Variants in IPP observed in about 807,000 individuals in gnomAD.
The protein encoded by IPP is intracisternal A particle-promoted polypeptide.
IPP carries 41 observed loss-of-function variants against 64.1 expected under a neutral mutation model. The observed-to-expected ratio is 0.64, with a 90% CI of 0.50 to 0.83. The LOEUF (loss-of-function observed/expected upper bound fraction) is 0.83. Among genes scored for constraint, IPP ranks in the 40% least tolerant of loss-of-function variants. The pLI, the probability that IPP is intolerant of heterozygous loss-of-function variation, is 0.00. For synonymous variants in IPP, 214 were observed against 235.2 expected, an observed-to-expected ratio of 0.91 and a Z score of 0.83; for missense variants, 649 against 703.0, an observed-to-expected ratio of 0.92 and a Z score of 0.87.
intron 5 of IPP, among the ~76,000 whole-genome samples, chr1:45,726,632 T>A (rs940168122): frequency 6.6e-6 from 1 of 152,118 alleles, no homozygotes; most frequent in Non-Finnish European, 1.5e-5. Flanking sequence ...GTATCCAGTA[T>A]CCATACTGCT....
intron 3 of IPP, among the ~76,000 whole-genome samples, chr1:45,737,056 A>AAG (rs1645992048): frequency 6.6e-6 from 1 of 151,254 alleles, no homozygotes; most frequent in Non-Finnish European, 1.5e-5. Flanking sequence ...AAAAAAAAAA[A>AAG]AAAAGAAAAA....
At chr1:45,697,870 A>G (rs1557734556), downstream of IPP, 1 of 152,012 alleles carries the variant, frequency 6.6e-6, no homozygotes, top group South Asian at 2.1e-4. Flanking sequence ...AGGCGGGAGA[A>G]TCGTTTGAAC....
At chr1:45,745,822 C>G (rs1646126286) in intron 2 of IPP, among the ~76,000 whole-genome samples, 1 of 151,882 alleles carries the variant, frequency 6.6e-6, no homozygotes, top group Admixed American at 6.6e-5. Flanking sequence ...CCAAGATCGC[C>G]CCACTGCACT....
At chr1:45,714,196 G>A (rs1005846475) in intron 8 of IPP, 50 bp downstream of exon 8, 1 of 1,285,892 alleles carries the variant, frequency 7.8e-7, no homozygotes, top group Non-Finnish European at 1.1e-6. Context: ...AGATCTTACA[G>A]ACATTAAAAG....
At chr1:45,698,312 T>C (rs1407102727), downstream of IPP, among the ~76,000 whole-genome samples, 2 of 152,152 alleles carry the variant, frequency 1.3e-5, no homozygotes, top group Non-Finnish European at 2.9e-5. Context: ...TTTTTTTTAC[T>C]GTATGCAAGA....
intron 8 of IPP, among the ~76,000 whole-genome samples, chr1:45,705,632 C>G (rs1055741207): frequency 5.3e-5 from 8 of 152,120 alleles, no homozygotes; most frequent in African/African-American, 1.9e-4. Flanking sequence ...ATGGCAAAAC[C>G]CTGTCTCTAC....
chr1:45,727,851 CA>C (rs1645852532), intron 4 of IPP, 53 bp from the exon 5 acceptor site: 1 of 1,289,792 alleles, frequency 7.8e-7, no homozygotes, highest in Non-Finnish European at 1.1e-6. Context: ...TACATCTAAA[CA>C]TTTAGTATAA....
At chr1:45,725,371 C>T (rs1486710968) in intron 5 of IPP, among the ~76,000 whole-genome samples, 2 of 147,830 alleles carry the variant, frequency 1.4e-5, no homozygotes, top group East Asian at 2.1e-4. Flanking sequence ...CCAGCCACCC[C>T]ATCCGGGAGG....
At chr1:45,744,579 G>A (rs532837125) in intron 2 of IPP, among the ~76,000 whole-genome samples, 1 of 151,968 alleles carries the variant, frequency 6.6e-6, no homozygotes, top group African/African-American at 2.4e-5. Context: ...AGTGGCTCAC[G>A]CCTGCAATCC....
Position 45,746,308 on chromosome 1 carries a change from T to C in IPP, c.104A>G (p.His35Arg), listed in dbSNP as rs1646132885. The C allele has an allele frequency of 3.7e-6, 6 of 1,614,052 alleles. No individual in the cohort carries two copies. The highest frequency in any genetic ancestry group is 5.1e-6 in the Non-Finnish European group (6 of 1,179,992). Residue 35 changes from histidine to arginine, a missense_variant, in exon 2 of 9, where the codon CAT (histidine) becomes CGT (arginine). Transcript: ENST00000396478. ...AQINKMRNGQ[H>R]FCDVQLQVGQ... Reference sequence around the variant, plus strand: ...AACTTGCAGCTGCACATCACAGAAATGCTGTCCATTTCTCATCTTATTGAT... The same window carrying C: ...AACTTGCAGCTGCACATCACAGAAACGCTGTCCATTTCTCATCTTATTGAT...
At chr1:45,729,533 T>C in intron 4 of IPP, 81 bp downstream of exon 4, 3 of 1,052,622 alleles carry the variant, frequency 2.9e-6, no homozygotes, top group Non-Finnish European at 4.3e-6. Flanking sequence ...CTGACATGTA[T>C]AGTAATAACA....
chr1:45,699,434 T>A lies in IPP; in HGVS notation c.*532A>T. ...TCACATAAAGTTTTATGTTACAATTTATACTGCACTGGAGAAGTAGCTAAA... is the reference window on the plus strand; with the variant it reads ...TCACATAAAGTTTTATGTTACAATTAATACTGCACTGGAGAAGTAGCTAAA... On this transcript the variant is annotated 3_prime_UTR_variant, in exon 9 of 9. Coordinates refer to ENST00000396478, the MANE Select transcript of IPP (RefSeq NM_005897.3). 2.0e-6 allele frequency: 2 copies of A among 986,448 alleles called. No homozygotes were observed. The highest frequency in any genetic ancestry group is 2.4e-6 in the Non-Finnish European group (2 of 830,508). The allele number at this position is 986,448 out of a possible 1,614,324, so 61.1% of individuals were successfully genotyped here.
intron 2 of IPP, among the ~76,000 whole-genome samples, chr1:45,742,515 C>T (rs532653753): frequency 2.2e-4 from 34 of 152,126 alleles, no homozygotes; most frequent in Non-Finnish European, 3.7e-4. Flanking sequence ...TATGATAAAA[C>T]GCCACATAAT....
At chr1:45,738,334 C>CT (rs1162314788) in intron 3 of IPP, among the ~76,000 whole-genome samples, 6 of 150,604 alleles carry the variant, frequency 4.0e-5, no homozygotes, top group Admixed American at 4.0e-4. Flanking sequence ...CATTTTTGTG[C>CT]TTTTTGTTGG....
downstream of IPP, chr1:45,697,363 G>T (rs1645395968): frequency 6.6e-6 from 1 of 152,040 alleles, no homozygotes; most frequent in African/African-American, 2.4e-5. Context: ...TGATTCTCCT[G>T]CCTCAGCCTC....
At chr1:45,713,508 T>G (rs1255141990) in intron 8 of IPP, among the ~76,000 whole-genome samples, 1 of 150,994 alleles carries the variant, frequency 6.6e-6, no homozygotes, top group Admixed American at 6.6e-5. Flanking sequence ...TGTGGTGAGG[T>G]GAGATGGTGC....
chr1:45,702,583 T>C (rs578057441), intron 8 of IPP, among the ~76,000 whole-genome samples: 2 of 152,244 alleles, frequency 1.3e-5, no homozygotes, highest in South Asian at 4.1e-4. Flanking sequence ...GCCTCCCAAG[T>C]AGCTAGGATT....
At chr1:45,728,675 G>A (rs747246939) in intron 4 of IPP, among the ~76,000 whole-genome samples, 4 of 151,658 alleles carry the variant, frequency 2.6e-5, no homozygotes, top group Admixed American at 6.6e-5. Context: ...CTGTATTTTT[G>A]CATAAAGACA....
chr1:45,712,388 A>T (rs945556533), intron 8 of IPP, among the ~76,000 whole-genome samples: 2 of 152,020 alleles, frequency 1.3e-5, no homozygotes, highest in Non-Finnish European at 2.9e-5. Flanking sequence ...TTTCAGATGT[A>T]CATGACGTAT....
Sources: allele counts gnomAD v4.1 joint callset (sites outside exome capture counted in the v4.1 genomes callset), GRCh38; gene constraint gnomAD v4.1.1; transcripts MANE v1.5; gene names NCBI Gene and HGNC (gene_info 2026-07-23, HGNC 2026-07-21).